Variants in PUDP observed in about 807,000 individuals in gnomAD.
PUDP encodes pseudouridine 5'-phosphatase.
PUDP carries 8 observed loss-of-function variants against 9.4 expected under a neutral mutation model. That is an observed-to-expected ratio of 0.85 (90% CI 0.50 to 1.53). PUDP has a LOEUF of 1.53. Ranked by LOEUF, PUDP falls within the 40% of genes most tolerant of loss-of-function variation. The pLI is 0.00. For synonymous variants in PUDP, 99 were observed against 80.7 expected, an observed-to-expected ratio of 1.23 and a Z score of -1.22; for missense variants, 188 against 189.7, an observed-to-expected ratio of 0.99 and a Z score of 0.05.
chrX:6,990,464 CA>C (rs1381240131), intron 1 of PUDP, among the ~76,000 whole-genome samples: 2 of 112,152 alleles, frequency 1.8e-5, no homozygotes, highest in African/African-American at 6.5e-5. Context: ...CCAACTTCCC[CA>C]AATAGAAAGT....
At position 6,970,912 on chromosome X, in the gene PUDP, G is replaced by A. The variant is rs73627518; in HGVS notation, c.*247+6221C>T. Among the ~76,000 whole-genome samples the A allele has an allele frequency of 4.7e-3, 524 of 110,457 alleles. 2 individuals carry two copies. The highest frequency in any genetic ancestry group is 0.012 in the African/African-American group (367 of 30,364). ...CTAAAACTACAAAAATTCACTGGGC[G>A]TGGTAGCAGGTGCCTGTAATCCCAG... is the stretch of plus-strand genomic sequence containing the variant. On this transcript the variant is annotated intron_variant and NMD_transcript_variant, in intron 3 of 3. Transcript: ENST00000655425.
chrX:6,829,688 G>C (rs939682019), intron 3 of PUDP, among the ~76,000 whole-genome samples: 1 of 111,795 alleles, frequency 8.9e-6, no homozygotes, highest in Non-Finnish European at 1.9e-5. Flanking sequence ...CTTTGGTGAG[G>C]TGTCTGTTAT....
At chrX:7,089,381 T>G (rs1420589936) in intron 2 of PUDP, among the ~76,000 whole-genome samples, 1 of 111,060 alleles carries the variant, frequency 9.0e-6, no homozygotes, top group Non-Finnish European at 1.9e-5. Flanking sequence ...GCAGGGATCT[T>G]TTATCTACGT....
intron 3 of PUDP, among the ~76,000 whole-genome samples, chrX:6,830,492 A>C (rs1184192675): frequency 8.9e-6 from 1 of 112,331 alleles, no homozygotes; most frequent in Non-Finnish European, 1.9e-5. Flanking sequence ...TTAGTGACAA[A>C]AGAATTTTAT....
At chrX:6,752,123 C>G (rs1246790261) in intron 3 of PUDP, among the ~76,000 whole-genome samples, 2 of 111,874 alleles carry the variant, frequency 1.8e-5, no homozygotes, top group Non-Finnish European at 3.8e-5. Flanking sequence ...CTCATTCATT[C>G]TGACCTCCTT....
At chrX:6,985,074 G>A (rs1929086563) in intron 1 of PUDP, among the ~76,000 whole-genome samples, 2 of 111,768 alleles carry the variant, frequency 1.8e-5, no homozygotes, top group South Asian at 7.5e-4. Context: ...CTAAGGGTCA[G>A]GCTGCTTATT....
rs1212979138 is a variant in PUDP at position 6,895,032 on chromosome X, C to G, written c.*247+82101G>C. 1.7e-4 allele frequency among the ~76,000 whole-genome samples: 19 copies of G among 110,696 alleles called. No individual in the cohort carries two copies. The Admixed American group carries it at 1.8e-3, about 10-fold the overall frequency. On this transcript the variant is annotated intron_variant and NMD_transcript_variant, in intron 3 of 3. Transcript: ENST00000655425. ...TGCTGACCACCAGAAAAGCCGACTG[C>G]TATTTCTGATCATGGGTGCAAAGAG...
chrX:6,795,216 G>A (rs1246940438), intron 3 of PUDP, among the ~76,000 whole-genome samples: 1 of 111,311 alleles, frequency 9.0e-6, no homozygotes, highest in African/African-American at 3.3e-5. Flanking sequence ...ATGTCGTGAC[G>A]TGGCTCATGA....
At chrX:6,801,486 C>A (rs1231139381) in intron 3 of PUDP, among the ~76,000 whole-genome samples, 8 of 112,186 alleles carry the variant, frequency 7.1e-5, no homozygotes, top group Non-Finnish European at 1.5e-4. Context: ...GAGAAAAGGC[C>A]AATGCTGGCA....
At chrX:7,111,009 A>C (rs1932032074) in intron 1 of PUDP, among the ~76,000 whole-genome samples, 1 of 111,728 alleles carries the variant, frequency 9.0e-6, no homozygotes, top group Non-Finnish European at 1.9e-5. Context: ...ACAATCTCGA[A>C]CTGTAATCCC....
intron 3 of PUDP, among the ~76,000 whole-genome samples, chrX:6,799,031 C>T (rs1345127787): frequency 8.9e-6 from 1 of 112,444 alleles, no homozygotes; most frequent in Non-Finnish European, 1.9e-5. Context: ...GTAATCCTCC[C>T]ACCTCAGCCC....
chrX:6,746,620 T>C (rs1173715292), intron 3 of PUDP, among the ~76,000 whole-genome samples: 1 of 109,743 alleles, frequency 9.1e-6, no homozygotes, highest in African/African-American at 3.3e-5. Flanking sequence ...CCTGTGTCCA[T>C]GTGTTCTCAT....
At chrX:7,027,917 CTA>C (rs1188150400) in intron 1 of PUDP, among the ~76,000 whole-genome samples, 24 of 97,854 alleles carry the variant, frequency 2.5e-4, no homozygotes, top group Non-Finnish European at 4.9e-4. Flanking sequence ...CTATATTTTT[CTA>C]TATAGTTTAT....
chrX:6,788,526 G>T (rs1255913220), intron 3 of PUDP, among the ~76,000 whole-genome samples: 1 of 111,133 alleles, frequency 9.0e-6, no homozygotes, highest in Non-Finnish European at 1.9e-5. Context: ...AACATGGCAA[G>T]ATCCCATCTC....
chrX:7,010,932 G>C (rs1243580605), intron 1 of PUDP, among the ~76,000 whole-genome samples: 1 of 112,036 alleles, frequency 8.9e-6, no homozygotes, highest in African/African-American at 3.3e-5. Flanking sequence ...AGAGAACCTG[G>C]AGTCGGACCT....
chrX:7,112,571 G>A (rs1449589421), intron 1 of PUDP, among the ~76,000 whole-genome samples: 1 of 112,296 alleles, frequency 8.9e-6, no homozygotes, highest in Non-Finnish European at 1.9e-5. Context: ...GTTCCTTAAA[G>A]ACACAAAATA....
intron 3 of PUDP, among the ~76,000 whole-genome samples, chrX:6,948,662 G>T (rs1208504825): frequency 8.9e-6 from 1 of 111,908 alleles, no homozygotes; most frequent in Non-Finnish European, 1.9e-5. Context: ...AAGAAAACAA[G>T]AATATTTTCT....
At position 7,097,669 on chromosome X, in the gene PUDP, G is replaced by C. The variant is rs150928084; in HGVS notation, c.280+7951C>G. Among the ~76,000 whole-genome samples the C allele has an allele frequency of 7.9e-3, 872 of 111,018 alleles. 7 individuals carry two copies. The highest frequency in any genetic ancestry group is 0.026 in the African/African-American group (787 of 30,465). ...AGACCTTTCTCCTGTGTCCCCCCGAGCACTCACTCAGCACTACATGCACGA... is the reference window on the plus strand; with the variant it reads ...AGACCTTTCTCCTGTGTCCCCCCGACCACTCACTCAGCACTACATGCACGA... On this transcript the variant is annotated intron_variant, in intron 2 of 3. Coordinates refer to ENST00000381077, the MANE Select transcript of PUDP (RefSeq NM_012080.5).
chrX:7,146,613 G>A (rs1255205202), intron 1 of PUDP, among the ~76,000 whole-genome samples: 2 of 110,577 alleles, frequency 1.8e-5, no homozygotes, highest in African/African-American at 6.6e-5. Context: ...ACACCTCTGT[G>A]TTCATAAAAT....
Sources: gnomAD v4.1 joint callset for allele counts (sites outside exome capture counted in the v4.1 genomes callset) on GRCh38, gnomAD v4.1.1 for gene constraint, MANE v1.5 for transcripts, NCBI Gene and HGNC (gene_info 2026-07-23, HGNC 2026-07-21) for gene names.